The following CCDC102A variants were observed in gnomAD, a reference collection of about 807,000 sequenced individuals.
CCDC102A encodes coiled-coil domain containing 102A.
CCDC102A carries 40 observed loss-of-function variants against 55.5 expected under a neutral mutation model. That is an observed-to-expected ratio of 0.72 (90% confidence interval 0.56 to 0.94). CCDC102A has a LOEUF of 0.94. CCDC102A is among the 40% of genes least tolerant of loss of function. The probability of loss-of-function intolerance (pLI) is 0.00; values close to 1 mark genes in which losing one functional copy is unlikely to be tolerated. For synonymous variants in CCDC102A, 323 were observed against 339.0 expected (o/e 0.95, Z 0.52); for missense variants, 779 against 768.6 (o/e 1.01, Z -0.16).
intron 1 of CCDC102A, among the ~76,000 whole-genome samples, chr16:57,532,102 T>C (rs1359443989): frequency 6.6e-6 from 1 of 152,118 alleles, no homozygotes; most frequent in Non-Finnish European, 1.5e-5. Context: ...TCCCCATGTG[T>C]AGAAGGGGGG....
intron 1 of CCDC102A, 51 bp downstream of exon 1, chr16:57,536,449 G>C (rs1213385149): frequency 1.3e-5 from 2 of 152,366 alleles, no homozygotes; most frequent in East Asian, 3.9e-4. Flanking sequence ...CCTGGAGCAA[G>C]TTCCCGGGCC....
chr16:57,526,008 G>T lies in CCDC102A; in HGVS notation c.705C>A (p.Ser235Arg). ...CAGCTGTGTCCTCCCAGGGTAGCCG[G>T]CTGCGCTCCTGGCGGCCTGAGCTGC... ...PRGSSGRQER[S>R]RLPWEDTAAT... is the part of the protein sequence containing the mutation. Residue 235 changes from serine to arginine, a missense_variant, in exon 3 of 9, where the codon AGC becomes AGA. Transcript: ENST00000258214. 1 of 1,606,748 alleles carries T rather than the reference G, an allele frequency of 6.2e-7. No homozygotes were observed.
At chr16:57,527,123 G>C (rs1214737775) in intron 2 of CCDC102A, among the ~76,000 whole-genome samples, 1 of 152,214 alleles carries the variant, frequency 6.6e-6, no homozygotes, top group African/African-American at 2.4e-5. Context: ...ACAGGAGGCA[G>C]CAGTGCCCAC....
intron 2 of CCDC102A, among the ~76,000 whole-genome samples, chr16:57,528,148 C>G (rs577559968): frequency 2.6e-5 from 4 of 152,344 alleles, no homozygotes; most frequent in African/African-American, 9.6e-5. Flanking sequence ...CTAATTCCTA[C>G]TCATCATTCT....
chr16:57,523,415 A>G (rs1381111054), intron 3 of CCDC102A, among the ~76,000 whole-genome samples: 2 of 152,080 alleles, frequency 1.3e-5, no homozygotes, highest in African/African-American at 4.8e-5. Context: ...CAAAGATGCA[A>G]CAATGTCCGC....
chr16:57,522,921 C>T (rs1263383569), intron 3 of CCDC102A, among the ~76,000 whole-genome samples: 1 of 152,236 alleles, frequency 6.6e-6, no homozygotes, highest in Admixed American at 6.5e-5. Context: ...AATCCTAGCG[C>T]TTTGGGAGGC....
chr16:57,520,015 G>C (rs72791622), intron 4 of CCDC102A, among the ~76,000 whole-genome samples: 11,993 of 152,294 alleles, frequency 0.079, 613 homozygotes, highest in East Asian at 0.19. Flanking sequence ...CACTGCAGTG[G>C]TGGATTCCCT....
chr16:57,512,528 G>GCA lies in CCDC102A; in HGVS notation c.*212_*213insTG. The GCA allele has an allele frequency of 2.0e-6, 1 of 497,600 alleles. No homozygotes were observed. Among genetic ancestry groups the GCA allele is most frequent in the Non-Finnish European group, 3.4e-6 (1 of 290,950 alleles). 30.8% of individuals were successfully genotyped at this position (497,600 alleles called of 1,614,324 possible). ...CTTCTGGGTGTGCGCGCGCGCGCGC[G>GCA]CGTGTGTGTATATATATATATAAAA... On this transcript the variant is annotated 3_prime_UTR_variant, in exon 9 of 9. Coordinates refer to ENST00000258214, the MANE Select transcript of CCDC102A (RefSeq NM_033212.4).
In CCDC102A at chr16:57,518,835, G is replaced by A. The variant is rs546555021; in HGVS notation, c.922-94C>T. On this transcript the variant is annotated intron_variant, in intron 4 of 8. Coordinates refer to ENST00000258214, the MANE Select transcript of CCDC102A (RefSeq NM_033212.4). The stretch of plus-strand genomic sequence containing the variant: ...GGGCGCCAGTGCAGGAGTGCTCAGC[G>A]TGGAGCCAAGGCAGCGCCCAAATGG... The A allele has an allele frequency of 6.3e-5, 59 of 943,978 alleles. No individual in the cohort carries two copies. The African/African-American group carries it at 8.1e-4, about 13-fold the overall frequency. The allele number at this position is 943,978 out of a possible 1,614,324, so 58.5% of individuals were successfully genotyped here. A position where few individuals can be genotyped will look rare whatever the true frequency, so the allele number is the denominator to read the frequency against.
At chr16:57,536,689 G>A (rs2032400887), upstream of CCDC102A, 1 of 152,152 alleles carries the variant, frequency 6.6e-6, no homozygotes, top group Admixed American at 6.5e-5. Context: ...GCCCCGCTGT[G>A]ACCCCGGCCC....
intron 1 of CCDC102A, among the ~76,000 whole-genome samples, chr16:57,531,408 C>T (rs1295486459): frequency 6.6e-6 from 1 of 152,084 alleles, no homozygotes; most frequent in East Asian, 1.9e-4. Flanking sequence ...GCCTTCCATC[C>T]ACCTTCTTTG....
At chr16:57,518,323 T>G (rs772847984) in intron 5 of CCDC102A, 46 bp from the exon 6 acceptor site, 1 of 1,574,862 alleles carries the variant, frequency 6.3e-7, no homozygotes, top group Admixed American at 1.7e-5. Flanking sequence ...GGAGGGGGCA[T>G]GCAGGGCCTG....
chr16:57,530,845 C>T (rs1483117062), intron 1 of CCDC102A, among the ~76,000 whole-genome samples: 1 of 151,954 alleles, frequency 6.6e-6, no homozygotes, highest in Non-Finnish European at 1.5e-5. Context: ...TCCACTCCGT[C>T]TACCTGCTTG....
At position 57,518,718 on chromosome 16, in the gene CCDC102A, G is replaced by C; in HGVS notation, c.945C>G (p.His315Gln). The change falls in exon 5 of 9, where the codon CAC becomes CAG. Residue 315 changes from histidine (H) to glutamine (Q), a missense_variant. By Grantham distance (24) the His-to-Gln change is conservative (BLOSUM62 0). Transcript: ENST00000258214. ...LKQLSILKEAHQDELGRMSED... is the reference protein window; with the variant it reads ...LKQLSILKEAQQDELGRMSED... ...CAGACATGCGGCCCAGCTCGTCCTG[G>C]TGCGCCTCCTTCAGGATGCTGAGCT... is the stretch of plus-strand genomic sequence containing the variant. The C allele has an allele frequency of 6.2e-7, 1 of 1,608,980 alleles. No homozygotes were observed. Among genetic ancestry groups the C allele is most frequent in the Non-Finnish European group, 8.5e-7 (1 of 1,177,594 alleles).
rs535141875 is a variant in CCDC102A, at chr16:57,532,505, C to A, written c.-147-3181G>T. On this transcript the variant is annotated intron_variant, in intron 1 of 8. Coordinates refer to ENST00000258214, the MANE Select transcript of CCDC102A (RefSeq NM_033212.4). ...ATCTGTGCACACACAGACATGCAAT[C>A]CCATGCACAGATGCAAAGACCCAGG... Among the ~76,000 whole-genome samples, 7 of 152,310 alleles carry A rather than the reference C, an allele frequency of 4.6e-5. No homozygotes were observed. In the South Asian group the frequency reaches 1.4e-3, roughly 32 times the overall value.
At position 57,512,854 on chromosome 16, in the gene CCDC102A, G is replaced by A. The variant is rs1288007035; in HGVS notation, c.1540C>T (p.Gln514Ter). The A allele has an allele frequency of 6.2e-7, 1 of 1,613,728 alleles. No homozygotes were observed. The highest frequency in any genetic ancestry group is 8.5e-7 in the Non-Finnish European group (1 of 1,179,910). The change falls in exon 9 of 9, where the codon CAG becomes TAG. Residue 514 changes from glutamine to a stop codon, truncating the protein, a stop_gained. Coordinates refer to ENST00000258214, the MANE Select transcript of CCDC102A (RefSeq NM_033212.4). LOFTEE classifies it high-confidence loss of function. ...ATCTTCCCGAAGAGGGGAGCGTTCT[G>A]CTGCTGCCTGCGGAGCCTGTGGGGT... is the stretch of plus-strand genomic sequence containing the variant. ...HLQSRLRRQQ[Q>*]NAPLFGKIRS...
intron 2 of CCDC102A, among the ~76,000 whole-genome samples, chr16:57,528,081 G>A (rs992011165): frequency 7.9e-5 from 12 of 152,236 alleles, no homozygotes; most frequent in African/African-American, 2.9e-4. Context: ...AGCCTCCCAA[G>A]TAGCTGGTAC....
chr16:57,521,033 G>A (rs761691404), intron 4 of CCDC102A, 35 bp downstream of exon 4: 44 of 1,404,810 alleles, frequency 3.1e-5, no homozygotes, highest in Middle Eastern at 3.5e-4. Context: ...CGATCCTGCC[G>A]CCTCCAGGAA....
chr16:57,525,303 G>C (rs2032119936), intron 3 of CCDC102A, among the ~76,000 whole-genome samples: 1 of 152,096 alleles, frequency 6.6e-6, no homozygotes, highest in Non-Finnish European at 1.5e-5. Context: ...AATTCACCAT[G>C]TTGGTCAGGC....
Sources: gnomAD v4.1 joint callset for allele counts (sites outside exome capture counted in the v4.1 genomes callset) on GRCh38, gnomAD v4.1.1 for gene constraint, MANE v1.5 for transcripts, NCBI Gene and HGNC (gene_info 2026-07-23, HGNC 2026-07-21) for gene names.